The following RAB3IL1 variants were observed in gnomAD, a reference collection of about 807,000 sequenced individuals.
RAB3IL1 encodes RAB3A interacting protein like 1.
Under a neutral mutation model 49.2 loss-of-function variants are expected in RAB3IL1, and 37 were observed. The observed-to-expected ratio is 0.75, with a 90% CI of 0.58 to 0.99. The LOEUF is 0.99. RAB3IL1 is among the 50% of genes least tolerant of loss of function. The pLI is 0.00. For synonymous variants in RAB3IL1, 193 were observed against 213.9 expected (o/e 0.90, Z 0.85); for missense variants, 484 against 513.0 (o/e 0.94, Z 0.55).
the RAB3IL1 span, among the ~76,000 whole-genome samples, chr11:61,934,806 G>C: frequency 1.2e-4 from 19 of 152,116 alleles, no homozygotes; most frequent in Non-Finnish European, 2.2e-4. Context: ...TTTTATCACT[G>C]TTCTAGGTAT....
the RAB3IL1 span, among the ~76,000 whole-genome samples, chr11:61,932,102 T>A: frequency 1.3e-5 from 2 of 151,846 alleles, no homozygotes; most frequent in Non-Finnish European, 2.9e-5. Flanking sequence ...ATACAAAAAA[T>A]TAGCTGGGCG....
chr11:61,917,465 C>A lies in RAB3IL1; in HGVS notation c.-98G>T. The A allele has an allele frequency of 8.6e-7, 1 of 1,160,468 alleles. No individual in the cohort carries two copies. Among genetic ancestry groups the A allele is most frequent in the Non-Finnish European group, 1.1e-6 (1 of 943,418 alleles). The allele number at this position is 1,160,468 out of a possible 1,614,324, so 71.9% of individuals were successfully genotyped here. ...CCGCCGACTCCGCCAGGGGCCGAGC[C>A]GCCCCACCGCCTGTCAGCCCTGCCC... On this transcript the variant is annotated 5_prime_UTR_variant, in exon 1 of 10. Transcript: ENST00000394836.
chr11:61,898,697 C>T lies in RAB3IL1; in HGVS notation c.1067-337G>A. On this transcript the variant is annotated intron_variant, in intron 9 of 9. Coordinates refer to ENST00000394836, the MANE Select transcript of RAB3IL1 (RefSeq NM_013401.4). This position sits in a 1 kb window ranked among gnomAD's most constrained non-coding sequence, Gnocchi z 5.1. ...ACATTAGACAAGGCACAGATGCCTCCCTGGGGTCTCACAAGGACCCTGCGC... is the reference window on the plus strand; with the variant it reads ...ACATTAGACAAGGCACAGATGCCTCTCTGGGGTCTCACAAGGACCCTGCGC... 2.1e-6 allele frequency: 1 copy of T among 481,522 alleles called. No individual in the cohort carries two copies. Among genetic ancestry groups the T allele is most frequent in the Non-Finnish European group, 4.0e-6 (1 of 248,084 alleles). The allele number at this position is 481,522 out of a possible 1,614,324, so 29.8% of individuals were successfully genotyped here.
the RAB3IL1 span, among the ~76,000 whole-genome samples, chr11:61,930,980 A>G: frequency 6.6e-6 from 1 of 152,236 alleles, no homozygotes; most frequent in South Asian, 2.1e-4. Context: ...AAATAGACAC[A>G]TCTATCATTA....
At chr11:61,937,378 C>G in the RAB3IL1 span, among the ~76,000 whole-genome samples, 1 of 152,278 alleles carries the variant, frequency 6.6e-6, no homozygotes, top group Admixed American at 6.5e-5. Context: ...GCGATTATGG[C>G]TCACTGCAGC....
At position 61,898,078 on chromosome 11, in the gene RAB3IL1, G is replaced by T; in HGVS notation, c.*200C>A. 2 of 575,736 alleles carry T rather than the reference G, an allele frequency of 3.5e-6. No individual in the cohort carries two copies. Among genetic ancestry groups the T allele is most frequent in the Non-Finnish European group, 3.1e-6 (1 of 322,802 alleles). The allele number at this position is 575,736 out of a possible 1,614,324, so 35.7% of individuals were successfully genotyped here. Reference sequence around the variant, plus strand: ...AGAACCCAGTGGGGAAGAGAGGGGGGTCTTGCCGTGAAGTCCAGGCCCGTC... The same window carrying T: ...AGAACCCAGTGGGGAAGAGAGGGGGTTCTTGCCGTGAAGTCCAGGCCCGTC... On this transcript the variant is annotated 3_prime_UTR_variant, in exon 10 of 10. Coordinates refer to ENST00000394836, the MANE Select transcript of RAB3IL1 (RefSeq NM_013401.4). This position sits in a 1 kb window ranked among gnomAD's most constrained non-coding sequence, Gnocchi z 5.1.
the RAB3IL1 span, among the ~76,000 whole-genome samples, chr11:61,934,444 GTGTATGTATATATATATATATA>G: frequency 2.4e-5 from 2 of 83,662 alleles, no homozygotes; most frequent in African/African-American, 9.8e-5. Flanking sequence ...GTGTGTGTGT[GTGTATGTATATATATATATATA>G]TATATATATA....
chr11:61,898,250 G>C lies in RAB3IL1; in HGVS notation c.*28C>G. The C allele has an allele frequency of 6.2e-7, 1 of 1,604,182 alleles. No individual in the cohort carries two copies. Among genetic ancestry groups the C allele is most frequent in the South Asian group, 1.1e-5 (1 of 90,922 alleles). ...TGGGGTGGGTGTTTGCTCTGTCTCAGAGCTCCCCTTCAGGCCTGGGCCGCG... is the reference window on the plus strand; with the variant it reads ...TGGGGTGGGTGTTTGCTCTGTCTCACAGCTCCCCTTCAGGCCTGGGCCGCG... On this transcript the variant is annotated 3_prime_UTR_variant, in exon 10 of 10. Coordinates refer to ENST00000394836, the MANE Select transcript of RAB3IL1 (RefSeq NM_013401.4). The surrounding 1 kb of genome is among the most constrained non-coding windows in gnomAD (Gnocchi z 5.1).
chr11:61,898,289 G>A lies in RAB3IL1; in HGVS notation c.1138C>T (p.Gln380Ter), dbSNP rs1399710492. ...MSLAKLGFFP[Q>*]EA is the part of the protein sequence containing the mutation. ...GCCTGGGCCGCGCCCTAAGCCTCCT[G>A]GGGGAAGAAGCCGAGCTTGGCCAGT... is the stretch of plus-strand genomic sequence containing the variant. The change falls in exon 10 of 10, where the codon CAG becomes TAG. Residue 380 changes from glutamine (Q) to a stop codon, truncating the protein, a stop_gained. Transcript: ENST00000394836. LOFTEE classifies it high-confidence loss of function. This position sits in a 1 kb window ranked among gnomAD's most constrained non-coding sequence, Gnocchi z 5.1. 1 of 1,613,118 alleles carries A rather than the reference G, an allele frequency of 6.2e-7. No homozygotes were observed. The highest frequency in any genetic ancestry group is 1.7e-5 in the Admixed American group (1 of 60,018).
the RAB3IL1 span, among the ~76,000 whole-genome samples, chr11:61,932,339 A>G: frequency 6.6e-6 from 1 of 152,160 alleles, no homozygotes. Context: ...ATGAGTTTTC[A>G]AATTGAAAAA....
intron 8 of RAB3IL1, among the ~76,000 whole-genome samples, chr11:61,900,978 G>A (rs1938881555): frequency 6.6e-6 from 1 of 152,006 alleles, no homozygotes. Context: ...CTCAGAGCCA[G>A]GATCCCAGGT....
At position 61,907,382 on chromosome 11, in the gene RAB3IL1, A is replaced by G. The variant is rs1591227095; in HGVS notation, c.438+11T>C. 6.2e-7 allele frequency: 1 copy of G among 1,611,268 alleles called. No individual in the cohort carries two copies. The highest frequency in any genetic ancestry group is 8.5e-7 in the Non-Finnish European group (1 of 1,178,832). ...CCTGGGCTGGCCTGGGCAGGCGGGG[A>G]TGGGCCTCACCTTGCCCCGAGCCTC... On this transcript the variant is annotated intron_variant, in intron 4 of 9. Transcript: ENST00000394836.
the RAB3IL1 span, among the ~76,000 whole-genome samples, chr11:61,934,356 GTA>G: frequency 1.5e-5 from 1 of 66,494 alleles, no homozygotes; most frequent in Middle Eastern, 0.011. Context: ...ACACACATAT[GTA>G]TATATATACA....
chr11:61,937,299 A>G, the RAB3IL1 span, among the ~76,000 whole-genome samples: 1 of 152,216 alleles, frequency 6.6e-6, no homozygotes, highest in East Asian at 1.9e-4. Flanking sequence ...TTATTATTTA[A>G]ATTTTTTGTT....
In RAB3IL1 at chr11:61,906,977, C is replaced by T. The variant is rs1470487600; in HGVS notation, c.439-293G>A. ...CCTCCCATGAGAGTTCTGGGACCGCCCCCAGGAGCCAGGAAAGGCCCAGGC... is the reference window on the plus strand; with the variant it reads ...CCTCCCATGAGAGTTCTGGGACCGCTCCCAGGAGCCAGGAAAGGCCCAGGC... On this transcript the variant is annotated intron_variant, in intron 4 of 9. Transcript: ENST00000394836. This position sits in a 1 kb window ranked among gnomAD's most constrained non-coding sequence, Gnocchi z 4.6. Among the ~76,000 whole-genome samples the T allele has an allele frequency of 2.6e-5, 4 of 152,212 alleles. No individual in the cohort carries two copies.
At chr11:61,945,425 A>T in the RAB3IL1 span, among the ~76,000 whole-genome samples, 1 of 152,350 alleles carries the variant, frequency 6.6e-6, no homozygotes, top group Admixed American at 6.5e-5. Flanking sequence ...CCGCAGGAGC[A>T]TCCTGGGGCA....
At chr11:61,934,450 G>GTATATATA in the RAB3IL1 span, among the ~76,000 whole-genome samples, 60 of 31,498 alleles carry the variant, frequency 1.9e-3, 3 homozygotes, top group East Asian at 0.03. Context: ...GTGTGTGTAT[G>GTATATATA]TATATATATA....
chr11:61,919,130 GCCCTTGCCCTC>G (rs1306346867), upstream of RAB3IL1, among the ~76,000 whole-genome samples: 1 of 152,186 alleles, frequency 6.6e-6, no homozygotes. Flanking sequence ...CCAGCACAGG[GCCCTTGCCCTC>G]CAAGTCTTCA....
chr11:61,931,642 G>C, the RAB3IL1 span, among the ~76,000 whole-genome samples: 1 of 152,082 alleles, frequency 6.6e-6, no homozygotes, highest in Admixed American at 6.6e-5. Context: ...GTGAAGAGGA[G>C]GAGGAGGAGA....
Sources: allele counts gnomAD v4.1 joint callset (sites outside exome capture counted in the v4.1 genomes callset), GRCh38; gene constraint gnomAD v4.1.1; non-coding constraint Gnocchi (gnomAD v3.1); transcripts MANE v1.5; gene names NCBI Gene and HGNC (gene_info 2026-07-23, HGNC 2026-07-21).